Variants in ECM2 observed in about 807,000 individuals in gnomAD.
ECM2 encodes the protein extracellular matrix protein 2.
A neutral mutation model predicts 67.5 loss-of-function variants in ECM2; 57 were observed. The ratio of observed to expected loss-of-function variants is 0.84; its 90% CI spans 0.68 to 1.05. The LOEUF is 1.05. Among genes scored for constraint, ECM2 ranks in the 50% least tolerant of loss-of-function variants. ECM2 has a pLI of 0.00. For synonymous variants in ECM2, 258 were observed against 294.5 expected (o/e 0.88, Z 1.27); for missense variants, 741 against 822.8 (o/e 0.90, Z 1.22).
the ECM2 span, among the ~76,000 whole-genome samples, chr9:92,551,225 G>C: frequency 5.3e-5 from 8 of 152,182 alleles, no homozygotes; most frequent in Non-Finnish European, 1.2e-4. Flanking sequence ...ATGAGTGGAA[G>C]CCACAGTTTC....
chr9:92,498,164 G>A (rs755572271), intron 9 of ECM2, among the ~76,000 whole-genome samples: 14 of 152,100 alleles, frequency 9.2e-5, no homozygotes, highest in Non-Finnish European at 1.8e-4. Flanking sequence ...GTAATAATTT[G>A]TATAATAATT....
chr9:92,526,837 G>T (rs1848445097), intron 1 of ECM2, among the ~76,000 whole-genome samples: 1 of 152,054 alleles, frequency 6.6e-6, no homozygotes, highest in Non-Finnish European at 1.5e-5. Context: ...AAAATTTACA[G>T]TAGTGTATAG....
intron 6 of ECM2, among the ~76,000 whole-genome samples, chr9:92,508,832 A>G (rs1484065913): frequency 6.6e-6 from 1 of 152,080 alleles, no homozygotes; most frequent in African/African-American, 2.4e-5. Context: ...TATTCCTTTA[A>G]AGGCTTTGTT....
At chr9:92,511,219 G>A (rs962681681) in intron 5 of ECM2, among the ~76,000 whole-genome samples, 17 of 152,108 alleles carry the variant, frequency 1.1e-4, no homozygotes, top group African/African-American at 3.4e-4. Context: ...TCCGCCTCCC[G>A]AATTCAAGCG....
chr9:92,531,141 T>A (rs954502940), intron 1 of ECM2, among the ~76,000 whole-genome samples: 3 of 152,190 alleles, frequency 2.0e-5, no homozygotes, highest in African/African-American at 7.2e-5. Flanking sequence ...ATTTAATGTT[T>A]GAATTGAAAT....
At chr9:92,511,935 C>A in intron 5 of ECM2, 76 bp downstream of exon 5, 2 of 1,117,174 alleles carry the variant, frequency 1.8e-6, no homozygotes, top group Non-Finnish European at 2.6e-6. Flanking sequence ...TCCTTTTCCT[C>A]CCTTCCCCAT....
the ECM2 span, among the ~76,000 whole-genome samples, chr9:92,544,636 G>T: frequency 2.6e-5 from 4 of 151,596 alleles, no homozygotes; most frequent in Non-Finnish European, 4.4e-5. Flanking sequence ...AAAAGCTGTG[G>T]CAAGACTGAT....
At position 92,495,915 on chromosome 9, in the gene ECM2, T is replaced by TC; in HGVS notation, c.*399dup. The TC allele has an allele frequency of 1.3e-5, 13 of 985,334 alleles. No individual in the cohort carries two copies. Among genetic ancestry groups the TC allele is most frequent in the Non-Finnish European group, 1.6e-5 (13 of 829,756 alleles). 61.0% of individuals were successfully genotyped at this position (985,334 alleles called of 1,614,324 possible). A position where few individuals can be genotyped will look rare whatever the true frequency, so the allele number is the denominator to read the frequency against. On this transcript the variant is annotated 3_prime_UTR_variant, in exon 10 of 10. Coordinates refer to ENST00000344604, the MANE Select transcript of ECM2 (RefSeq NM_001393.4). ...TAAATTCTGCCTGCTTTTTTTGTTG[T>TC]CATTATGCTTCTTAATCTTGAACCA...
rs200699120 is a variant in ECM2, at chr9:92,512,142, G to T, written c.1055-16C>A. The stretch of plus-strand genomic sequence containing the variant: ...ATGGAATTGCCTAGGACACACAGCG[G>T]TTATGTTTTAGGCATGTGTGCATAT... On this transcript the variant is annotated splice_polypyrimidine_tract_variant and intron_variant, in intron 4 of 9. Coordinates refer to ENST00000344604, the MANE Select transcript of ECM2 (RefSeq NM_001393.4). 5 of 1,592,200 alleles carry T rather than the reference G, an allele frequency of 3.1e-6. No individual in the cohort carries two copies. The African/African-American group carries it at 4.0e-5, about 13-fold the overall frequency.
chr9:92,511,056 T>G (rs192559940), intron 5 of ECM2, among the ~76,000 whole-genome samples: 1 of 152,354 alleles, frequency 6.6e-6, no homozygotes, highest in East Asian at 1.9e-4. Context: ...CATACACATT[T>G]ATGAGTTTTT....
At chr9:92,494,096 A>G, downstream of ECM2, 2 of 1,597,712 alleles carry the variant, frequency 1.3e-6, no homozygotes, top group Non-Finnish European at 1.7e-6. Context: ...CCAGAGAGGA[A>G]AGGCCACATC....
rs1342323014 is a variant in ECM2, at chr9:92,533,342, T to A, written c.-28+2591A>T. Among the ~76,000 whole-genome samples the A allele has an allele frequency of 1.1e-3, 130 of 121,992 alleles. 1 individual carries two copies. Among genetic ancestry groups the A allele is most frequent in the East Asian group, 9.8e-3 (39 of 3,964 alleles). The allele number at this position is 121,992 out of a possible 152,430, so 80.0% of individuals were successfully genotyped here. A position where few individuals can be genotyped will look rare whatever the true frequency, so the allele number is the denominator to read the frequency against. On this transcript the variant is annotated intron_variant, in intron 1 of 9. Transcript: ENST00000344604. ...AAAAAAAAAAAAATATATATATATA[T>A]ATATATATATATATATGCTTTGGGT...
rs376951503 is a variant in ECM2 at position 92,496,277 on chromosome 9, A to G, written c.*38T>C. 3 of 1,542,476 alleles carry G rather than the reference A, an allele frequency of 1.9e-6. No homozygotes were observed. The highest frequency in any genetic ancestry group is 1.4e-5 in the African/African-American group (1 of 71,586). On this transcript the variant is annotated 3_prime_UTR_variant, in exon 10 of 10. Transcript: ENST00000344604. The stretch of plus-strand genomic sequence containing the variant: ...TGACAAATGCAGCTACTACAAATAC[A>G]TGAGTAAAGTTTATAAACAGCAAAG...
At chr9:92,540,729 C>T (rs1849298942), upstream of ECM2, among the ~76,000 whole-genome samples, 1 of 151,746 alleles carries the variant, frequency 6.6e-6, no homozygotes, top group South Asian at 2.1e-4. Context: ...CGAGATCACA[C>T]CACTGCACTC....
Position 92,522,559 on chromosome 9 carries a change from C to T in ECM2, c.292+16G>A, listed in dbSNP as rs775170669. 1.1e-5 allele frequency: 17 copies of T among 1,588,886 alleles called. No homozygotes were observed. The East Asian group carries it at 3.6e-4, about 34-fold the overall frequency. On this transcript the variant is annotated intron_variant, in intron 2 of 9. Transcript: ENST00000344604. ...CTCCTCCCTCTTTCTGTCTCTCTCT[C>T]ATAGTGTTCTCTTACCTGGTAACAC...
chr9:92,532,535 T>C (rs1423791428), intron 1 of ECM2, among the ~76,000 whole-genome samples: 1 of 152,152 alleles, frequency 6.6e-6, no homozygotes, highest in Non-Finnish European at 1.5e-5. Context: ...TTTGTTTGTC[T>C]ATCTCTTCAG....
At chr9:92,517,575 G>T in intron 3 of ECM2, 112 bp downstream of exon 3, 1 of 1,398,834 alleles carries the variant, frequency 7.1e-7, no homozygotes, top group Non-Finnish European at 9.8e-7. Context: ...AATATTTTAA[G>T]TACTCAGATC....
At chr9:92,536,311 C>T (rs1323840540), upstream of ECM2, among the ~76,000 whole-genome samples, 1 of 152,040 alleles carries the variant, frequency 6.6e-6, no homozygotes, top group African/African-American at 2.4e-5. Flanking sequence ...AGACTATTCG[C>T]ATTAAAAATG....
In ECM2 at chr9:92,532,342, C is replaced by T. The variant is rs1848850262; in HGVS notation, c.-28+3591G>A. Among the ~76,000 whole-genome samples the T allele has an allele frequency of 2.0e-5, 3 of 151,722 alleles. No individual in the cohort carries two copies. In the South Asian group the frequency reaches 6.3e-4, roughly 32 times the overall value. ...AAAGATATAATTTTCTTGTTTTTATCCTATTTGGCACTTCTTGAATTTGTG... is the reference window on the plus strand; with the variant it reads ...AAAGATATAATTTTCTTGTTTTTATTCTATTTGGCACTTCTTGAATTTGTG... On this transcript the variant is annotated intron_variant, in intron 1 of 9. Transcript: ENST00000344604.
Sources: allele counts gnomAD v4.1 joint callset (sites outside exome capture counted in the v4.1 genomes callset), GRCh38; gene constraint gnomAD v4.1.1; transcripts MANE v1.5; gene names NCBI Gene and HGNC (gene_info 2026-07-23, HGNC 2026-07-21).